The following UBE2J1 variants were observed in gnomAD, a reference collection of about 807,000 sequenced individuals.
UBE2J1 encodes ubiquitin-conjugating enzyme E2 J1.
Under a neutral mutation model 42.1 loss-of-function variants are expected in UBE2J1, and 17 were observed. The observed-to-expected ratio is 0.40, with a 90% CI of 0.28 to 0.61. The LOEUF is 0.61. Ranked by LOEUF, UBE2J1 falls within the 20% of genes least tolerant of loss-of-function variation. UBE2J1 has a pLI of 0.38. For synonymous variants in UBE2J1, 127 were observed against 137.2 expected, an observed-to-expected ratio of 0.93 and a Z score of 0.52; for missense variants, 291 against 389.4, an observed-to-expected ratio of 0.75 and a Z score of 2.13.
intron 6 of UBE2J1, among the ~76,000 whole-genome samples, chr6:89,334,261 C>A (rs1367429770): frequency 6.6e-6 from 1 of 152,008 alleles, no homozygotes; most frequent in African/African-American, 2.4e-5. Flanking sequence ...TCTCGGCCTC[C>A]CAAAGTGCTG....
intron 3 of UBE2J1, among the ~76,000 whole-genome samples, chr6:89,338,882 G>C (rs371468186): frequency 0.052 from 7,965 of 151,934 alleles, 241 homozygotes; most frequent in Middle Eastern, 0.11. Flanking sequence ...AGCCAGGATG[G>C]TCTCGATATC....
chr6:89,343,841 G>A, intron 1 of UBE2J1, 85 bp from the exon 2 acceptor site: 1 of 1,075,004 alleles, frequency 9.3e-7, no homozygotes, highest in Non-Finnish European at 1.3e-6. Context: ...ATGAAAAAAT[G>A]TGTAGAGAAC....
At chr6:89,346,862 A>G (rs1768374309) in intron 1 of UBE2J1, among the ~76,000 whole-genome samples, 1 of 152,122 alleles carries the variant, frequency 6.6e-6, no homozygotes, top group South Asian at 2.1e-4. Context: ...TTACTTGTTT[A>G]ATATCTGTTT....
Position 89,335,436 on chromosome 6 carries a change from T to C in UBE2J1, c.429-5A>G, listed in dbSNP as rs767914176. On this transcript the variant is annotated splice_region_variant and splice_polypyrimidine_tract_variant and intron_variant, in intron 5 of 7. Transcript: ENST00000435041. ...TCACAACAGAAATCTTGTGATCTAG[T>C]AGAAAAAGATTTTTTAAATGAAAAT... is the stretch of plus-strand genomic sequence containing the variant. 5.2e-6 allele frequency: 8 copies of C among 1,551,646 alleles called. No individual in the cohort carries two copies. The highest frequency in any genetic ancestry group is 7.0e-6 in the Non-Finnish European group (8 of 1,144,986).
At chr6:89,347,031 A>G (rs2127872964) in intron 1 of UBE2J1, among the ~76,000 whole-genome samples, 1 of 152,352 alleles carries the variant, frequency 6.6e-6, no homozygotes, top group East Asian at 1.9e-4. Context: ...TTTTAAACTT[A>G]CTTAATAAAA....
chr6:89,352,373 C>G (rs1003487916), intron 1 of UBE2J1, among the ~76,000 whole-genome samples, 166 bp downstream of exon 1: 1 of 152,196 alleles, frequency 6.6e-6, no homozygotes, highest in Non-Finnish European at 1.5e-5. Context: ...ACCCGGCCAC[C>G]TCGCCCTGCG....
At chr6:89,338,963 C>A (rs1768177684) in intron 3 of UBE2J1, among the ~76,000 whole-genome samples, 1 of 151,210 alleles carries the variant, frequency 6.6e-6, no homozygotes, top group Admixed American at 6.6e-5. Flanking sequence ...CCGCGCCCGG[C>A]CAAAAAGATT....
rs545764758 is a variant in UBE2J1 at position 89,326,829 on chromosome 6, T to A, written c.*2850A>T. The A allele has an allele frequency of 6.6e-6, 1 of 152,294 alleles. No individual in the cohort carries two copies. Among genetic ancestry groups the A allele is most frequent in the South Asian group, 2.1e-4 (1 of 4,826 alleles). The allele number at this position is 152,294 out of a possible 1,614,324, so 9.4% of individuals were successfully genotyped here. On this transcript the variant is annotated 3_prime_UTR_variant, in exon 8 of 8. Coordinates refer to ENST00000435041, the MANE Select transcript of UBE2J1 (RefSeq NM_016021.3). ...ATATACTTCCAATTAAAAAAACACA[T>A]AGGCTTTTCAGTATTTTGGCCTAGA...
rs572466698 is a variant in UBE2J1 at position 89,352,613 on chromosome 6, C to G, written c.-44G>C. 8 of 1,531,064 alleles carry G rather than the reference C, an allele frequency of 5.2e-6. No homozygotes were observed. In the South Asian group the frequency reaches 9.6e-5, roughly 18 times the overall value. The allele number at this position is 1,531,064 out of a possible 1,614,324, so 94.8% of individuals were successfully genotyped here. On this transcript the variant is annotated 5_prime_UTR_variant, in exon 1 of 8. Coordinates refer to ENST00000435041, the MANE Select transcript of UBE2J1 (RefSeq NM_016021.3). ...CTCCGGCCTCCCGGGCCGCTGCCAC[C>G]TCCTCTCCACGCGGCCGCTGCCCGG... is the stretch of plus-strand genomic sequence containing the variant.
rs1002972614 is a variant in UBE2J1 at position 89,345,944 on chromosome 6, T to C, written c.32-2188A>G. On this transcript the variant is annotated intron_variant, in intron 1 of 7. Transcript: ENST00000435041. ...AAAAGCCCTCCAGGCCGGAGGGCAG[T>C]GGTACGAACACAGCTCACTCACTGA... Among the ~76,000 whole-genome samples, 6 of 148,322 alleles carry C rather than the reference T, an allele frequency of 4.0e-5. 1 individual carries two copies. The highest frequency in any genetic ancestry group is 8.9e-5 in the Non-Finnish European group (6 of 67,334).
chr6:89,335,707 G>A (rs1014989842), intron 5 of UBE2J1, among the ~76,000 whole-genome samples: 3 of 152,062 alleles, frequency 2.0e-5, no homozygotes, highest in Non-Finnish European at 2.9e-5. Flanking sequence ...TCTATACAAT[G>A]AGAAAATTGT....
At position 89,329,439 on chromosome 6, in the gene UBE2J1, C is replaced by A; in HGVS notation, c.*240G>T. The A allele has an allele frequency of 2.1e-6, 1 of 474,230 alleles. No individual in the cohort carries two copies. Among genetic ancestry groups the A allele is most frequent in the Non-Finnish European group, 3.7e-6 (1 of 270,580 alleles). The allele number at this position is 474,230 out of a possible 1,614,324, so 29.4% of individuals were successfully genotyped here. On this transcript the variant is annotated 3_prime_UTR_variant, in exon 8 of 8. Coordinates refer to ENST00000435041, the MANE Select transcript of UBE2J1 (RefSeq NM_016021.3). The stretch of plus-strand genomic sequence containing the variant: ...AAACATGAGAAAAAACAAGTTATTT[C>A]CCTGCAAAGCAGATCAAATAGTGAG...
In UBE2J1 at chr6:89,328,660, C is replaced by T. The variant is rs1437182016; in HGVS notation, c.*1019G>A. 24 of 152,140 alleles carry T rather than the reference C, an allele frequency of 1.6e-4. No individual in the cohort carries two copies. The highest frequency in any genetic ancestry group is 1.6e-3 in the Admixed American group (24 of 15,278). 9.4% of individuals were successfully genotyped at this position (152,140 alleles called of 1,614,324 possible). On this transcript the variant is annotated 3_prime_UTR_variant, in exon 8 of 8. Transcript: ENST00000435041. ...AGCACTAAGTTATATATTGATTTTT[C>T]CACTGAAAATTCTTTCTTGGGCTCT...
At chr6:89,351,799 C>G (rs1330456551) in intron 1 of UBE2J1, among the ~76,000 whole-genome samples, 1 of 152,124 alleles carries the variant, frequency 6.6e-6, no homozygotes, top group Non-Finnish European at 1.5e-5. Context: ...GCTGAGAAAG[C>G]TAGTTGCTTA....
intron 1 of UBE2J1, 54 bp from the exon 2 acceptor site, chr6:89,343,810 T>G: frequency 2.9e-6 from 4 of 1,391,648 alleles, no homozygotes; most frequent in Non-Finnish European, 4.0e-6. Flanking sequence ...TCTGAATGAT[T>G]AGCACAGTCT....
chr6:89,350,005 TA>T (rs1224698007), intron 1 of UBE2J1, among the ~76,000 whole-genome samples: 1 of 40,078 alleles, frequency 2.5e-5, no homozygotes, highest in South Asian at 1.5e-3. Flanking sequence ...TATAGACAAG[TA>T]GCATGATCCA....
chr6:89,351,069 CTTTTTTTTTTTTTTTTT>C (rs1193022037), intron 1 of UBE2J1, among the ~76,000 whole-genome samples: 7 of 60,442 alleles, frequency 1.2e-4, no homozygotes, highest in Admixed American at 4.7e-4. Flanking sequence ...CCGGGATTCT[CTTTTTTTTTTTTTTTTT>C]TTTTTTTTTT....
chr6:89,340,771 TATG>T (rs1248904942), intron 3 of UBE2J1, among the ~76,000 whole-genome samples: 148 of 148,314 alleles, frequency 1.0e-3, no homozygotes, highest in Middle Eastern at 3.5e-3. Context: ...TTTATTTATT[TATG>T]TTTTTTTTTT....
chr6:89,339,205 A>G (rs985078928), intron 3 of UBE2J1, among the ~76,000 whole-genome samples: 9 of 151,154 alleles, frequency 6.0e-5, no homozygotes, highest in Admixed American at 2.6e-4. Flanking sequence ...CAGGAGGATC[A>G]CTTGAGGCCA....
Sources: allele counts gnomAD v4.1 joint callset (sites outside exome capture counted in the v4.1 genomes callset), GRCh38; gene constraint gnomAD v4.1.1; transcripts MANE v1.5; gene names NCBI Gene and HGNC (gene_info 2026-07-23, HGNC 2026-07-21).